The following RHPN2 variants were observed in gnomAD, a reference collection of about 807,000 sequenced individuals.
RHPN2 encodes rhophilin-2.
A neutral mutation model predicts 79.0 loss-of-function variants in RHPN2; 40 were observed. The observed-to-expected ratio is 0.51, with a 90% confidence interval of 0.39 to 0.66. The LOEUF (loss-of-function observed/expected upper bound fraction) is 0.66, where lower values mean the gene tolerates loss of function less well. RHPN2 is among the 30% of genes least tolerant of loss of function. The probability of loss-of-function intolerance (pLI) is 0.00; values close to 1 mark genes in which losing one functional copy is unlikely to be tolerated. For synonymous variants in RHPN2, 285 were observed against 363.5 expected, an observed-to-expected ratio of 0.78 and a Z score of 2.46; for missense variants, 686 against 883.5, an observed-to-expected ratio of 0.78 and a Z score of 2.83.
chr19:33,064,620 A>C (rs1341247043), intron 1 of RHPN2, among the ~76,000 whole-genome samples, 164 bp downstream of exon 1: 9 of 132,410 alleles, frequency 6.8e-5, no homozygotes, highest in South Asian at 2.3e-4. Context: ...CGCCGCCCCC[A>C]CTCCTCCCCG....
chr19:32,992,492 A>G (rs530902614), intron 12 of RHPN2, among the ~76,000 whole-genome samples: 20 of 152,236 alleles, frequency 1.3e-4, no homozygotes, highest in Non-Finnish European at 4.4e-5. Flanking sequence ...CACCCGGCCA[A>G]AATTATCATA....
At position 32,990,501 on chromosome 19, in the gene RHPN2, T is replaced by C. The variant is rs1277605799; in HGVS notation, c.1800+13A>G. 22 of 1,613,334 alleles carry C rather than the reference T, an allele frequency of 1.4e-5. No individual in the cohort carries two copies. The highest frequency in any genetic ancestry group is 1.9e-5 in the Non-Finnish European group (22 of 1,179,696). On this transcript the variant is annotated intron_variant, in intron 14 of 14. Coordinates refer to ENST00000254260, the MANE Select transcript of RHPN2 (RefSeq NM_033103.5). ...CGCCACCACTGACTGCCCAGGGAGG[T>C]GTCAGCGCTCACCATGGATGATGTG... is the stretch of plus-strand genomic sequence containing the variant.
chr19:33,004,580 TA>T (rs1971775770), intron 7 of RHPN2, among the ~76,000 whole-genome samples: 1 of 152,088 alleles, frequency 6.6e-6, no homozygotes, highest in Non-Finnish European at 1.5e-5. Flanking sequence ...TTTTAAGTTA[TA>T]TATGTATATT....
intron 4 of RHPN2, among the ~76,000 whole-genome samples, chr19:33,013,865 TTA>T (rs544044528): frequency 0.011 from 640 of 59,416 alleles, 6 homozygotes; most frequent in African/African-American, 0.087. Context: ...TTATTTTACT[TTA>T]TTTTATTTTA....
intron 4 of RHPN2, among the ~76,000 whole-genome samples, chr19:33,017,742 T>C (rs911971967): frequency 3.4e-5 from 5 of 146,034 alleles, no homozygotes; most frequent in Non-Finnish European, 6.0e-5. Context: ...GAGAGATGAC[T>C]GGCCATGGTG....
At chr19:33,052,296 C>A (rs1972195498) in intron 1 of RHPN2, among the ~76,000 whole-genome samples, 1 of 152,092 alleles carries the variant, frequency 6.6e-6, no homozygotes, top group Admixed American at 6.6e-5. Flanking sequence ...TTCTGCACAG[C>A]CAAAGATAAA....
rs181250797 is a variant in RHPN2, at chr19:33,008,629, G to T, written c.594-449C>A. 9.9e-5 allele frequency among the ~76,000 whole-genome samples: 15 copies of T among 152,158 alleles called. No homozygotes were observed. The South Asian group carries it at 2.3e-3, about 23-fold the overall frequency. ...CACCAAAAATACAAAAATTAGCCAGGCATGGTGGCGGGCGCCTGTAATCTC... is the reference window on the plus strand; with the variant it reads ...CACCAAAAATACAAAAATTAGCCAGTCATGGTGGCGGGCGCCTGTAATCTC... On this transcript the variant is annotated intron_variant, in intron 6 of 14. Transcript: ENST00000254260.
At chr19:33,021,471 C>G (rs1971923210) in intron 4 of RHPN2, 100 bp downstream of exon 4, 1 of 974,196 alleles carries the variant, frequency 1.0e-6, no homozygotes, top group African/African-American at 1.6e-5. Context: ...ATCCTCTTGC[C>G]TCAGCCTCCC....
At chr19:33,062,149 C>G (rs1943250656) in intron 1 of RHPN2, among the ~76,000 whole-genome samples, 2 of 152,102 alleles carry the variant, frequency 1.3e-5, no homozygotes, top group South Asian at 4.1e-4. Context: ...AACAATGATT[C>G]CTCTTATTTT....
chr19:33,004,168 AG>A (rs1277976271), intron 7 of RHPN2, among the ~76,000 whole-genome samples: 3 of 152,076 alleles, frequency 2.0e-5, no homozygotes, highest in Admixed American at 1.3e-4. Flanking sequence ...TCTCCTGAAG[AG>A]CTGGGACTAC....
Position 33,042,197 on chromosome 19 carries a change from A to AT in RHPN2, c.185+2051_185+2052insA, listed in dbSNP as rs904693278. Among the ~76,000 whole-genome samples the AT allele has an allele frequency of 5.5e-4, 82 of 147,898 alleles. No individual in the cohort carries two copies. The East Asian group carries it at 0.017, about 31-fold the overall frequency. ...AGAGTGAAACTCCATCTCAAAAAAA[A>AT]AAAAAAGGTGCTCAATGAATCCATG... On this transcript the variant is annotated intron_variant, in intron 2 of 14. Coordinates refer to ENST00000254260, the MANE Select transcript of RHPN2 (RefSeq NM_033103.5).
At chr19:33,044,505 T>C (rs1972126547) in intron 1 of RHPN2, 141 bp from the exon 2 acceptor site, 3 of 700,530 alleles carry the variant, frequency 4.3e-6, no homozygotes, top group Non-Finnish European at 7.6e-6. Flanking sequence ...TTGAAAAGTA[T>C]AAAGAAAAGT....
Position 32,990,530 on chromosome 19 carries a change from T to A in RHPN2, c.1784A>T (p.Asp595Val). ...AGCGCTCACCATGGATGATGTGGAG[T>A]CCAGGAGGCTCACGACTTTCATCTC... ...EIEMKVVSLLDSTSSMHNKSA... is the reference protein window; with the variant it reads ...EIEMKVVSLLVSTSSMHNKSA... The change falls in exon 14 of 15, where the codon GAC becomes GTC. Residue 595 changes from aspartate to valine, a missense_variant. Asp to Val is a radical substitution (Grantham distance 152, BLOSUM62 -3). Transcript: ENST00000254260. 6.2e-7 allele frequency: 1 copy of A among 1,613,556 alleles called. No homozygotes were observed. Among genetic ancestry groups the A allele is most frequent in the South Asian group, 1.1e-5 (1 of 91,030 alleles).
At position 33,064,873 on chromosome 19, in the gene RHPN2, G is replaced by C; in HGVS notation, c.-21C>G. 2 of 1,498,330 alleles carry C rather than the reference G, an allele frequency of 1.3e-6. No individual in the cohort carries two copies. Among genetic ancestry groups the C allele is most frequent in the African/African-American group, 1.5e-5 (1 of 68,642 alleles). The allele number at this position is 1,498,330 out of a possible 1,614,324, so 92.8% of individuals were successfully genotyped here. A position where few individuals can be genotyped will look rare whatever the true frequency, so the allele number is the denominator to read the frequency against. ...GTCATGCTAGCGGCGCGGGCGCGGAGGGCGGACGGCGGACTGAGGCGCGGC... is the reference window on the plus strand; with the variant it reads ...GTCATGCTAGCGGCGCGGGCGCGGACGGCGGACGGCGGACTGAGGCGCGGC... On this transcript the variant is annotated 5_prime_UTR_variant, in exon 1 of 15. Transcript: ENST00000254260.
chr19:33,059,624 G>A (rs1164622319), intron 1 of RHPN2, among the ~76,000 whole-genome samples: 2 of 151,938 alleles, frequency 1.3e-5, no homozygotes, highest in African/African-American at 4.8e-5. Flanking sequence ...ACCAGCTCTG[G>A]ACTTCCACAT....
chr19:33,038,330 G>C (rs1972074745), intron 2 of RHPN2, among the ~76,000 whole-genome samples: 1 of 150,884 alleles, frequency 6.6e-6, no homozygotes, highest in African/African-American at 2.4e-5. Context: ...GCCTACTATG[G>C]TGGTACACAC....
intron 1 of RHPN2, among the ~76,000 whole-genome samples, chr19:33,055,525 T>C (rs529459824): frequency 6.6e-6 from 1 of 152,064 alleles, no homozygotes; most frequent in African/African-American, 2.4e-5. Context: ...TCAGTACCAA[T>C]AGAGCTGGAG....
At position 33,034,906 on chromosome 19, in the gene RHPN2, C is replaced by T. The variant is rs993417110; in HGVS notation, c.186-8274G>A. 1.2e-4 allele frequency among the ~76,000 whole-genome samples: 19 copies of T among 152,038 alleles called. 1 individual carries two copies. Among genetic ancestry groups the T allele is most frequent in the East Asian group, 1.2e-3 (6 of 5,180 alleles). Reference sequence around the variant, plus strand: ...TTGAGGCTAGGAGTTCAAGACCAGCCGAAGCAACATAGTGAGACCCTGTCT... The same window carrying T: ...TTGAGGCTAGGAGTTCAAGACCAGCTGAAGCAACATAGTGAGACCCTGTCT... On this transcript the variant is annotated intron_variant, in intron 2 of 14. Coordinates refer to ENST00000254260, the MANE Select transcript of RHPN2 (RefSeq NM_033103.5).
intron 14 of RHPN2, among the ~76,000 whole-genome samples, chr19:32,990,097 T>C (rs62127394): frequency 0.17 from 23,169 of 140,182 alleles, 2,057 homozygotes; most frequent in Non-Finnish European, 0.21. Flanking sequence ...AGAGCGAGAC[T>C]CCGTCTCAAA....
Sources: allele counts gnomAD v4.1 joint callset (sites outside exome capture counted in the v4.1 genomes callset), GRCh38; gene constraint gnomAD v4.1.1; transcripts MANE v1.5; gene names NCBI Gene and HGNC (gene_info 2026-07-23, HGNC 2026-07-21).